Variants in TATDN3 observed in about 807,000 individuals in gnomAD.
TATDN3 encodes deoxyribonuclease TATDN3.
A neutral mutation model predicts 40.1 loss-of-function variants in TATDN3; 29 were observed. That is an observed-to-expected ratio of 0.72 (90% CI 0.54 to 0.99). The LOEUF (loss-of-function observed/expected upper bound fraction) is 0.99. TATDN3 is among the 50% of genes least tolerant of loss of function. The pLI is 0.00. For synonymous variants in TATDN3, 105 were observed against 117.0 expected (o/e 0.90, Z 0.66); for missense variants, 309 against 321.9 (o/e 0.96, Z 0.31).
At chr1:212,795,986 C>T (rs1571948033) in intron 2 of TATDN3, among the ~76,000 whole-genome samples, 2 of 152,268 alleles carry the variant, frequency 1.3e-5, no homozygotes, top group East Asian at 1.9e-4. Flanking sequence ...CAAATTGGTC[C>T]ATCTTTCAGT....
intron 7 of TATDN3, among the ~76,000 whole-genome samples, chr1:212,805,153 G>A (rs907024415): frequency 7.9e-5 from 12 of 152,050 alleles, no homozygotes; most frequent in Admixed American, 1.3e-4. Flanking sequence ...GTAGAGCTGG[G>A]GTTTTGCCAT....
At chr1:212,800,133 C>T (rs1662080261) in intron 4 of TATDN3, among the ~76,000 whole-genome samples, 3 of 152,114 alleles carry the variant, frequency 2.0e-5, no homozygotes, top group Admixed American at 2.0e-4. Context: ...TCACACAAAC[C>T]TTTTAACATA....
chr1:212,811,848 G>T (rs1299466543), intron 8 of TATDN3, among the ~76,000 whole-genome samples: 4 of 151,798 alleles, frequency 2.6e-5, no homozygotes, highest in Non-Finnish European at 5.9e-5. Context: ...GATTACAGGT[G>T]CCTGCCACCA....
In TATDN3 at chr1:212,792,002, T is replaced by A. The variant is rs200532843; in HGVS notation, c.66+15T>A. The A allele has an allele frequency of 1.8e-4, 298 of 1,613,630 alleles. 1 individual carries two copies. The highest frequency in any genetic ancestry group is 2.5e-5 in the Non-Finnish European group (30 of 1,179,746). Reference sequence around the variant, plus strand: ...ACTTTGACCGCGTATGTGAGGGCGATACGGGACCAGAGGGAGCAGGGAGGC... The same window carrying A: ...ACTTTGACCGCGTATGTGAGGGCGAAACGGGACCAGAGGGAGCAGGGAGGC... On this transcript the variant is annotated intron_variant, in intron 1 of 9. Transcript: ENST00000366974.
chr1:212,793,251 C>T (rs529917076), intron 1 of TATDN3, among the ~76,000 whole-genome samples: 25 of 152,096 alleles, frequency 1.6e-4, no homozygotes, highest in Admixed American at 1.2e-3. Flanking sequence ...CTGGCTGTGT[C>T]CCTCAGGCTG....
At position 212,807,662 on chromosome 1, in the gene TATDN3, T is replaced by TAA; in HGVS notation, c.488-74_488-73insAA. On this transcript the variant is annotated intron_variant, in intron 7 of 9. Coordinates refer to ENST00000366974, the MANE Select transcript of TATDN3 (RefSeq NM_001042552.3). ...CCTAGTGACCAACATTTACTTAAAA[T>TAA]TTCAGACTTCTGTTATTTAATTTGA... 3 of 1,200,342 alleles carry TAA rather than the reference T, an allele frequency of 2.5e-6. No individual in the cohort carries two copies. The South Asian group carries it at 4.3e-5, about 17-fold the overall frequency. The allele number at this position is 1,200,342 out of a possible 1,614,324, so 74.4% of individuals were successfully genotyped here.
intron 1 of TATDN3, chr1:212,794,744 C>T (rs779620299): frequency 1.5e-5 from 7 of 480,284 alleles, no homozygotes; most frequent in Non-Finnish European, 2.5e-5. Context: ...AAGTAGCCAC[C>T]AATGAGAGAG....
chr1:212,808,288 G>A (rs1216918406), intron 8 of TATDN3, among the ~76,000 whole-genome samples: 1 of 147,194 alleles, frequency 6.8e-6, no homozygotes, highest in African/African-American at 2.5e-5. Flanking sequence ...CTCCAGCCTG[G>A]TCAACAAGGG....
intron 4 of TATDN3, among the ~76,000 whole-genome samples, chr1:212,799,524 G>A (rs1189774999): frequency 6.6e-6 from 1 of 151,666 alleles, no homozygotes; most frequent in Non-Finnish European, 1.5e-5. Context: ...TATGCCAACA[G>A]TATGATAGGT....
intron 4 of TATDN3, 164 bp downstream of exon 4, chr1:212,797,360 A>AG (rs1661849656): frequency 1.7e-6 from 1 of 599,878 alleles, no homozygotes; most frequent in South Asian, 2.2e-5. Flanking sequence ...TTCGTAATAG[A>AG]GAAAAAGTAG....
Position 212,812,279 on chromosome 1 carries a change from C to CTT in TATDN3, c.633_634dup (p.Ser212PhefsTer5). 6.3e-7 allele frequency: 1 copy of CTT among 1,582,808 alleles called. No homozygotes were observed. Among genetic ancestry groups the CTT allele is most frequent in the Non-Finnish European group, 8.5e-7 (1 of 1,170,804 alleles). ...AAACTTGTGAAACAATTGCCTTTAA[C>CTT]TTCTATATGCTTAGAAACAGATTCA... On this transcript the variant is annotated frameshift_variant, in exon 9 of 10. Transcript: ENST00000366974. LOFTEE classifies it high-confidence loss of function.
chr1:212,816,302 G>A lies in TATDN3; in HGVS notation c.*1146G>A, dbSNP rs150254126. 3 of 152,154 alleles carry A rather than the reference G, an allele frequency of 2.0e-5. No homozygotes were observed. The highest frequency in any genetic ancestry group is 7.2e-5 in the African/African-American group (3 of 41,506). The allele number at this position is 152,154 out of a possible 1,614,324, so 9.4% of individuals were successfully genotyped here. ...TCAGGCCTGGGCAACATAGATGTGA[G>A]CACCTATCTCTAAAAATGTAAATAA... On this transcript the variant is annotated 3_prime_UTR_variant, in exon 10 of 10. Transcript: ENST00000366974.
At chr1:212,798,743 A>G (rs1661982226) in intron 4 of TATDN3, among the ~76,000 whole-genome samples, 1 of 152,122 alleles carries the variant, frequency 6.6e-6, no homozygotes, top group Non-Finnish European at 1.5e-5. Context: ...TAGGTAGTCA[A>G]CCAGTGTGTA....
chr1:212,795,232 T>C, intron 2 of TATDN3, 105 bp downstream of exon 2: 1 of 527,656 alleles, frequency 1.9e-6, no homozygotes. Flanking sequence ...TTCAGTAGTT[T>C]ATAGTAAGTA....
Position 212,796,522 on chromosome 1 carries a change from T to C in TATDN3, c.105T>C (p.Asn35=). 1 of 1,522,346 alleles carries C rather than the reference T, an allele frequency of 6.6e-7. No homozygotes were observed. Among genetic ancestry groups the C allele is most frequent in the Non-Finnish European group, 8.8e-7 (1 of 1,140,034 alleles). 94.3% of individuals were successfully genotyped at this position (1,522,346 alleles called of 1,614,324 possible). The change falls in exon 3 of 10, where the codon AAT becomes AAC. Residue 35 remains asparagine, a synonymous_variant. Transcript: ENST00000366974. ...ATTCTTTTTTTTTTTTTCAGGCCAA[T>C]GTTGTGGCCCTTGTGGCAGTTGCCG... ...DDVLEKAKKA[N]VVALVAVAEH...
chr1:212,791,949 G>A lies in TATDN3; in HGVS notation c.28G>A (p.Asp10Asn), dbSNP rs748135480. The change falls in exon 1 of 10, where the codon GAC (aspartate) becomes AAC (asparagine). Residue 10 changes from aspartate (D) to asparagine (N), a missense_variant. Coordinates refer to ENST00000366974, the MANE Select transcript of TATDN3 (RefSeq NM_001042552.3). MRAAGVGLV[D>N]CHCHLSAPDF... is the part of the protein sequence containing the mutation. The stretch of plus-strand genomic sequence containing the variant: ...GCGAGCGGCTGGCGTAGGCTTGGTG[G>A]ACTGTCACTGCCACCTCTCCGCCCC... 3 of 1,613,928 alleles carry A rather than the reference G, an allele frequency of 1.9e-6. No homozygotes were observed. The highest frequency in any genetic ancestry group is 2.2e-5 in the South Asian group (2 of 91,062).
chr1:212,795,683 G>T (rs1661710691), intron 2 of TATDN3, among the ~76,000 whole-genome samples: 1 of 152,160 alleles, frequency 6.6e-6, no homozygotes, highest in Admixed American at 6.5e-5. Context: ...AAAATGCTGG[G>T]ATTATAGGCA....
intron 2 of TATDN3, among the ~76,000 whole-genome samples, chr1:212,795,613 A>G (rs904476900): frequency 6.6e-6 from 1 of 151,920 alleles, no homozygotes; most frequent in African/African-American, 2.4e-5. Flanking sequence ...AGATCTGACT[A>G]TATTGCCCAG....
intron 4 of TATDN3, 66 bp from the exon 5 acceptor site, chr1:212,802,635 T>A: frequency 2.7e-6 from 3 of 1,103,118 alleles, no homozygotes; most frequent in Non-Finnish European, 4.2e-6. Flanking sequence ...ACCTAGCACA[T>A]AATAGGAGCT....
Sources: gnomAD v4.1 joint callset for allele counts (sites outside exome capture counted in the v4.1 genomes callset) on GRCh38, gnomAD v4.1.1 for gene constraint, MANE v1.5 for transcripts, NCBI Gene and HGNC (gene_info 2026-07-23, HGNC 2026-07-21) for gene names.